Variants in RBM8A observed in about 807,000 individuals in gnomAD.
RBM8A encodes the protein RNA-binding protein 8A.
A neutral mutation model predicts 25.1 loss-of-function variants in RBM8A; 8 were observed. That is an observed-to-expected ratio of 0.32 (90% CI 0.19 to 0.58). The LOEUF is 0.58. RBM8A is among the 20% of genes least tolerant of loss of function. The probability of loss-of-function intolerance (pLI) is 0.88; values close to 1 mark genes in which losing one functional copy is unlikely to be tolerated. For synonymous variants in RBM8A, 66 were observed against 80.0 expected (o/e 0.82, Z 0.94); for missense variants, 114 against 236.8 (o/e 0.48, Z 3.40).
chr1:145,921,943 G>A lies in RBM8A; in HGVS notation c.*3939C>T, dbSNP rs15502. On this transcript the variant is annotated 3_prime_UTR_variant, in exon 6 of 6. Transcript: ENST00000583313. ...GTCTGACTATACTCCTAAGAACAAAGAAAGGCCTGGTGGCTCAAGCCTGTA... is the reference window on the plus strand; with the variant it reads ...GTCTGACTATACTCCTAAGAACAAAAAAAGGCCTGGTGGCTCAAGCCTGTA... 1.3e-5 allele frequency: 2 copies of A among 152,202 alleles called. No homozygotes were observed. Among genetic ancestry groups the A allele is most frequent in the Non-Finnish European group, 1.5e-5 (1 of 68,042 alleles). 9.4% of individuals were successfully genotyped at this position (152,202 alleles called of 1,614,324 possible). A position where few individuals can be genotyped will look rare whatever the true frequency, so the allele number is the denominator to read the frequency against.
In RBM8A at chr1:145,923,972, G is replaced by A; in HGVS notation, c.*1910C>T. 4 of 614,248 alleles carry A rather than the reference G, an allele frequency of 6.5e-6. No individual in the cohort carries two copies. Among genetic ancestry groups the A allele is most frequent in the Non-Finnish European group, 1.2e-5 (4 of 336,750 alleles). The allele number at this position is 614,248 out of a possible 1,614,324, so 38.0% of individuals were successfully genotyped here. On this transcript the variant is annotated 3_prime_UTR_variant, in exon 6 of 6. Transcript: ENST00000583313. The stretch of plus-strand genomic sequence containing the variant: ...TTCAGCATCATATTCAAGCCTAAAA[G>A]GAAGATAGGATTTTCAAGATATATT...
chr1:145,925,472 G>A lies in RBM8A; in HGVS notation c.*410C>T, dbSNP rs1469242667. On this transcript the variant is annotated 3_prime_UTR_variant, in exon 6 of 6. Coordinates refer to ENST00000583313, the MANE Select transcript of RBM8A (RefSeq NM_005105.5). ...TATTAAAAATTTAGCTGGGCATGGT[G>A]GCATGTGCCTGTAATCCCAACTACT... The A allele has an allele frequency of 1.2e-4, 44 of 356,868 alleles. No homozygotes were observed. The highest frequency in any genetic ancestry group is 2.3e-4 in the Non-Finnish European group (42 of 183,402). The allele number at this position is 356,868 out of a possible 1,614,324, so 22.1% of individuals were successfully genotyped here.
Position 145,922,622 on chromosome 1 carries a change from T to A in RBM8A, c.*3260A>T, listed in dbSNP as rs1647857608. ...CATGTGCGAAAGGTGATTTTTTTTGTTCCAAATTAGTATCCTTTTAGGTAA... is the reference window on the plus strand; with the variant it reads ...CATGTGCGAAAGGTGATTTTTTTTGATCCAAATTAGTATCCTTTTAGGTAA... On this transcript the variant is annotated 3_prime_UTR_variant, in exon 6 of 6. Transcript: ENST00000583313. 1 of 152,234 alleles carries A rather than the reference T, an allele frequency of 6.6e-6. No homozygotes were observed. The highest frequency in any genetic ancestry group is 2.1e-4 in the South Asian group (1 of 4,834). The allele number at this position is 152,234 out of a possible 1,614,324, so 9.4% of individuals were successfully genotyped here.
chr1:145,923,806 A>ATGTT lies in RBM8A; in HGVS notation c.*2075_*2076insAACA. On this transcript the variant is annotated 3_prime_UTR_variant, in exon 6 of 6. Transcript: ENST00000583313. Reference sequence around the variant, plus strand: ...TACACAATATTTCTTTTTCCACAAAATAACAGACATACCAGGAAAATCATT... The same window carrying ATGTT: ...TACACAATATTTCTTTTTCCACAAAATGTTTAACAGACATACCAGGAAAATCATT... The ATGTT allele has an allele frequency of 3.7e-6, 2 of 537,190 alleles. No homozygotes were observed. The highest frequency in any genetic ancestry group is 6.6e-6 in the Non-Finnish European group (2 of 303,604). The allele number at this position is 537,190 out of a possible 1,614,324, so 33.3% of individuals were successfully genotyped here. A position where few individuals can be genotyped will look rare whatever the true frequency, so the allele number is the denominator to read the frequency against.
rs1648169022 is a variant in RBM8A, at chr1:145,926,544, C to T, written c.280G>A (p.Ala94Thr). ...ATGTTTTTAATTTCCCCATATTCTG[C>T]GAATTTGTCGTGTATGTCTTCTTCG... is the stretch of plus-strand genomic sequence containing the variant. ...ATEEDIHDKF[A>T]EYGEIKNIHL... Residue 94 changes from alanine (A) to threonine (T), a missense_variant, in exon 4 of 6, where the codon GCA (alanine) becomes ACA (threonine). Coordinates refer to ENST00000583313, the MANE Select transcript of RBM8A (RefSeq NM_005105.5). 6.2e-7 allele frequency: 1 copy of T among 1,614,064 alleles called. No individual in the cohort carries two copies. Among genetic ancestry groups the T allele is most frequent in the Non-Finnish European group, 8.5e-7 (1 of 1,180,022 alleles).
chr1:145,926,187 G>A lies in RBM8A; in HGVS notation c.343-10C>T, dbSNP rs1559231348. The A allele has an allele frequency of 6.2e-7, 1 of 1,611,732 alleles. No homozygotes were observed. The highest frequency in any genetic ancestry group is 2.2e-5 in the East Asian group (1 of 44,858). ...CAACTAGAGTATACCCCTGGGGAAA[G>A]TGAAAAGACAGATATGAAAACCCTC... is the stretch of plus-strand genomic sequence containing the variant. On this transcript the variant is annotated splice_polypyrimidine_tract_variant and intron_variant, in intron 4 of 5. Coordinates refer to ENST00000583313, the MANE Select transcript of RBM8A (RefSeq NM_005105.5).
In RBM8A at chr1:145,926,047, T is replaced by C. The variant is rs782388545; in HGVS notation, c.473A>G (p.Lys158Arg). Residue 158 changes from lysine to arginine, a missense_variant, in exon 5 of 6, where the codon AAG becomes AGG. Physicochemically the swap from Lys to Arg is conservative, Grantham distance 26. Transcript: ENST00000583313. Reference sequence around the variant, plus strand: ...TTTGCCCTCTTCATTTTACCTCCTCTTGCCTTTTGGTGGACCCCGAACAAA... The same window carrying C: ...TTTGCCCTCTTCATTTTACCTCCTCCTGCCTTTTGGTGGACCCCGAACAAA... ...WCFVRGPPKG[K>R]RRGGRRRSRS... 7 of 1,614,230 alleles carry C rather than the reference T, an allele frequency of 4.3e-6. No homozygotes were observed. The highest frequency in any genetic ancestry group is 1.3e-5 in the African/African-American group (1 of 75,068).
chr1:145,924,735 C>G lies in RBM8A; in HGVS notation c.*1147G>C. The G allele has an allele frequency of 2.6e-6, 1 of 386,116 alleles. No homozygotes were observed. The allele number at this position is 386,116 out of a possible 1,614,324, so 23.9% of individuals were successfully genotyped here. On this transcript the variant is annotated 3_prime_UTR_variant, in exon 6 of 6. Transcript: ENST00000583313. Reference sequence around the variant, plus strand: ...TAGGAGGCGAGCTCTGTCTCACTAGCTATGCCCCTCCATCAATTCACCCTA... The same window carrying G: ...TAGGAGGCGAGCTCTGTCTCACTAGGTATGCCCCTCCATCAATTCACCCTA...
rs782747012 is a variant in RBM8A at position 145,927,114 on chromosome 1, A to C, written c.68-37T>G. 12 of 1,603,856 alleles carry C rather than the reference A, an allele frequency of 7.5e-6. No individual in the cohort carries two copies. In the South Asian group the frequency reaches 1.3e-4, roughly 18 times the overall value. ...GAAGATAAAAGAATAAGTAACTATG[A>C]CAGTCATTTGTAACAATCGTCTCTT... On this transcript the variant is annotated intron_variant, in intron 1 of 5. Transcript: ENST00000583313.
rs1553755373 is a variant in RBM8A, at chr1:145,924,118, G to C, written c.*1764C>G. The C allele has an allele frequency of 1.4e-6, 1 of 713,032 alleles. No homozygotes were observed. The highest frequency in any genetic ancestry group is 2.6e-6 in the Non-Finnish European group (1 of 382,686). 44.2% of individuals were successfully genotyped at this position (713,032 alleles called of 1,614,324 possible). A position where few individuals can be genotyped will look rare whatever the true frequency, so the allele number is the denominator to read the frequency against. On this transcript the variant is annotated 3_prime_UTR_variant, in exon 6 of 6. Transcript: ENST00000583313. The stretch of plus-strand genomic sequence containing the variant: ...CATAGGTGGGTAGGTTGGGTGGTGA[G>C]GGGAACCAGTTCTAATAGTCCTCAA...
Position 145,926,873 on chromosome 1 carries a change from T to C in RBM8A, c.141A>G (p.Arg47=), listed in dbSNP as rs1553756039. The part of the protein sequence containing the change: ...GRGFGSEEGS[R]ARMREDYDSV... ...TGTCATAATCCTCACGCATCCGCGC[T>C]CGGGACCCCTCTTCTATAAGGGACA... The change falls in exon 3 of 6, where the codon CGA becomes CGG. Residue 47 remains arginine (R), a synonymous_variant. Transcript: ENST00000583313. The C allele has an allele frequency of 1.9e-6, 3 of 1,613,894 alleles. No homozygotes were observed. The Admixed American group carries it at 5.0e-5, about 27-fold the overall frequency.
rs1647934348 is a variant in RBM8A at position 145,923,650 on chromosome 1, G to A, written c.*2232C>T. 5.7e-6 allele frequency: 2 copies of A among 353,862 alleles called. No homozygotes were observed. Among genetic ancestry groups the A allele is most frequent in the Non-Finnish European group, 1.0e-5 (2 of 196,548 alleles). The allele number at this position is 353,862 out of a possible 1,614,324, so 21.9% of individuals were successfully genotyped here. ...AAAAAGGGGGAGGGGCAGCCCAATA[G>A]CATTTGGAAAATGTTAAATTTTATT... On this transcript the variant is annotated 3_prime_UTR_variant, in exon 6 of 6. Coordinates refer to ENST00000583313, the MANE Select transcript of RBM8A (RefSeq NM_005105.5).
intron 1 of RBM8A, 95 bp downstream of exon 1, chr1:145,927,265 C>T: frequency 6.7e-7 from 1 of 1,494,906 alleles, no homozygotes. Flanking sequence ...CCTCGATTCC[C>T]ATCCTTACGA....
At chr1:145,925,999 G>A (rs1330768100) in intron 5 of RBM8A, 42 bp downstream of exon 5, 19 of 1,614,042 alleles carry the variant, frequency 1.2e-5, no homozygotes, top group Admixed American at 3.3e-5. Context: ...TGTTTCGTTC[G>A]TATTCCCTTC....
intron 1 of RBM8A, 127 bp downstream of exon 1, chr1:145,927,233 C>G (rs1158621776): frequency 6.9e-7 from 1 of 1,449,190 alleles, no homozygotes; most frequent in East Asian, 2.4e-5. Flanking sequence ...GGCGGAATCT[C>G]TAATCCACCC....
At position 145,924,335 on chromosome 1, in the gene RBM8A, T is replaced by C. The variant is rs1381184991; in HGVS notation, c.*1547A>G. On this transcript the variant is annotated 3_prime_UTR_variant, in exon 6 of 6. Coordinates refer to ENST00000583313, the MANE Select transcript of RBM8A (RefSeq NM_005105.5). The stretch of plus-strand genomic sequence containing the variant: ...CTATAGCCGCATTGTCCTCAGTGTG[T>C]CCAGGCCCCAGACAAGGAAGGGGAG... 2.0e-6 allele frequency: 1 copy of C among 502,292 alleles called. No individual in the cohort carries two copies. Among genetic ancestry groups the C allele is most frequent in the Non-Finnish European group, 4.0e-6 (1 of 248,382 alleles). 31.1% of individuals were successfully genotyped at this position (502,292 alleles called of 1,614,324 possible). A position where few individuals can be genotyped will look rare whatever the true frequency, so the allele number is the denominator to read the frequency against.
intron 4 of RBM8A, 144 bp downstream of exon 4, chr1:145,926,338 C>T (rs1298396286): frequency 1.4e-6 from 2 of 1,454,396 alleles, no homozygotes; most frequent in African/African-American, 2.8e-5. Context: ...CCGTTTCTGT[C>T]TCTTTGGCGT....
chr1:145,927,279 A>G, intron 1 of RBM8A, 81 bp downstream of exon 1: 1 of 1,518,350 alleles, frequency 6.6e-7, no homozygotes, highest in Non-Finnish European at 9.0e-7. Context: ...CTTACGACCG[A>G]GGAAAAAAGA....
At chr1:145,927,266 A>G (rs1211097113) in intron 1 of RBM8A, 94 bp downstream of exon 1, 3 of 1,499,394 alleles carry the variant, frequency 2.0e-6, no homozygotes, top group South Asian at 1.2e-5. Context: ...CTCGATTCCC[A>G]TCCTTACGAC....
Sources: allele counts gnomAD v4.1 joint callset, GRCh38; gene constraint gnomAD v4.1.1; transcripts MANE v1.5; gene names NCBI Gene and HGNC (gene_info 2026-07-23, HGNC 2026-07-21).